Variants in PCDHGA7 observed in about 807,000 individuals in gnomAD.
PCDHGA7 encodes the protein protocadherin gamma-A7.
In PCDHGA7, 44 loss-of-function variants were observed where a neutral mutation model predicts 58.3. The ratio of observed to expected loss-of-function variants is 0.75; its 90% CI spans 0.59 to 0.97. The LOEUF (loss-of-function observed/expected upper bound fraction) is 0.97. Ranked by LOEUF, PCDHGA7 falls within the 50% of genes least tolerant of loss-of-function variation. PCDHGA7 has a pLI of 0.00. For synonymous variants in PCDHGA7, 516 were observed against 504.2 expected (o/e 1.02, Z -0.31); for missense variants, 1,266 against 1,188.7 (o/e 1.06, Z -0.96).
intron 1 of PCDHGA7, among the ~76,000 whole-genome samples, chr5:141,449,840 T>C (rs1367482819): frequency 6.6e-6 from 1 of 151,692 alleles, no homozygotes; most frequent in Non-Finnish European, 1.5e-5. Context: ...TTTTATATAA[T>C]TAAATTTTAA....
intron 1 of PCDHGA7, chr5:141,395,553 TG>T: frequency 1.2e-5 from 1 of 84,110 alleles, no homozygotes; most frequent in Non-Finnish European, 2.1e-5. Context: ...TGTGTGTGTG[TG>T]TGTGTGTGTG....
rs746242389 is a variant in PCDHGA7 at position 141,491,254 on chromosome 5, G to C, written c.2425-3553G>C. 3 of 1,614,080 alleles carry C rather than the reference G, an allele frequency of 1.9e-6. No individual in the cohort carries two copies. In the African/African-American group the frequency reaches 4.0e-5, roughly 22 times the overall value. On this transcript the variant is annotated intron_variant, in intron 1 of 3. Transcript: ENST00000518325. This position sits in a 1 kb window ranked among gnomAD's most constrained non-coding sequence, Gnocchi z 6.9. ...GCTGGTTCTGGAGGATGAGGACCCT[G>C]AGGAAATGCCCAAATCCAGTGACTT...
intron 1 of PCDHGA7, among the ~76,000 whole-genome samples, chr5:141,463,025 T>G (rs2099051289): frequency 6.6e-6 from 1 of 152,202 alleles, no homozygotes; most frequent in Non-Finnish European, 1.5e-5. Flanking sequence ...ACTTTTTTGA[T>G]TAATCTGAGT....
intron 1 of PCDHGA7, among the ~76,000 whole-genome samples, chr5:141,397,434 A>G (rs1343347268): frequency 1.3e-5 from 2 of 152,238 alleles, no homozygotes; most frequent in African/African-American, 4.8e-5. Context: ...TTTCCCTAAT[A>G]TGTGTAATAT....
At chr5:141,412,282 C>A (rs1017660848) in intron 1 of PCDHGA7, 1 of 152,186 alleles carries the variant, frequency 6.6e-6, no homozygotes, top group African/African-American at 2.4e-5. Flanking sequence ...ACTTCAAATT[C>A]TACGTATTTC....
chr5:141,500,835 A>G (rs965204931), intron 2 of PCDHGA7, among the ~76,000 whole-genome samples: 13 of 152,118 alleles, frequency 8.5e-5, no homozygotes, highest in African/African-American at 3.1e-4. Context: ...TCTAATGCTA[A>G]TGGGCTTTTG....
intron 1 of PCDHGA7, among the ~76,000 whole-genome samples, chr5:141,465,040 C>T (rs1396261200): frequency 6.6e-6 from 1 of 151,842 alleles, no homozygotes; most frequent in Non-Finnish European, 1.5e-5. Context: ...CCACAAATGA[C>T]CCTATATATT....
chr5:141,389,742 C>T (rs1477462199), intron 1 of PCDHGA7: 2 of 1,612,602 alleles, frequency 1.2e-6, no homozygotes, highest in Non-Finnish European at 1.7e-6. Context: ...CCTGGGGCTG[C>T]GCACGGGCGA....
At chr5:141,433,208 C>T (rs780155661) in intron 1 of PCDHGA7, 90 of 1,293,816 alleles carry the variant, frequency 7.0e-5, no homozygotes, top group Middle Eastern at 5.9e-4. Flanking sequence ...AATCTTCTTT[C>T]TTTTTTTTTT....
At chr5:141,441,886 A>C (rs2098281968) in intron 1 of PCDHGA7, 1 of 345,040 alleles carries the variant, frequency 2.9e-6, no homozygotes, top group Non-Finnish European at 5.6e-6. Flanking sequence ...CCTGGTCACC[A>C]AGGTGGTGGC....
rs1247067983 is a variant in PCDHGA7, at chr5:141,511,327, C to T, written c.*154C>T. ...CCCTTGGGAAACAGAAACAAGTGCC[C>T]AGTCAGCACCTACCCCTTCCCCCCC... On this transcript the variant is annotated 3_prime_UTR_variant, in exon 4 of 4. Transcript: ENST00000518325. 28 of 1,455,454 alleles carry T rather than the reference C, an allele frequency of 1.9e-5. No individual in the cohort carries two copies. Among genetic ancestry groups the T allele is most frequent in the Admixed American group, 2.4e-5 (1 of 41,734 alleles). 90.2% of individuals were successfully genotyped at this position (1,455,454 alleles called of 1,614,324 possible). A position where few individuals can be genotyped will look rare whatever the true frequency, so the allele number is the denominator to read the frequency against.
chr5:141,461,347 G>C (rs2154567331), intron 1 of PCDHGA7, among the ~76,000 whole-genome samples: 1 of 152,242 alleles, frequency 6.6e-6, no homozygotes, highest in Admixed American at 6.5e-5. Flanking sequence ...GGACCAAGGT[G>C]GTAGCTCGTT....
intron 1 of PCDHGA7, chr5:141,409,193 T>C (rs1268258873): frequency 2.5e-6 from 4 of 1,613,870 alleles, no homozygotes; most frequent in Admixed American, 1.7e-5. Flanking sequence ...CTCTACCCAG[T>C]GTAAAGTAAT....
chr5:141,467,672 AT>A (rs1199631144), intron 1 of PCDHGA7, among the ~76,000 whole-genome samples: 1 of 151,634 alleles, frequency 6.6e-6, no homozygotes, highest in Non-Finnish European at 1.5e-5. Context: ...GAAGATTTTT[AT>A]TTTTTTTAGA....
Position 141,432,153 on chromosome 5 carries a change from A to T in PCDHGA7, c.2424+46830A>T. 6.2e-7 allele frequency: 1 copy of T among 1,613,758 alleles called. No homozygotes were observed. The highest frequency in any genetic ancestry group is 8.5e-7 in the Non-Finnish European group (1 of 1,179,910). On this transcript the variant is annotated intron_variant, in intron 1 of 3. Transcript: ENST00000518325. This position sits in a 1 kb window ranked among gnomAD's most constrained non-coding sequence, Gnocchi z 6.0. ...TATTCCGCTTATATCCCAGAGAACA[A>T]TCCCAGAGGAGTTTCCCTCGTCTCT...
intron 3 of PCDHGA7, among the ~76,000 whole-genome samples, chr5:141,510,203 G>A (rs1164886289): frequency 6.6e-6 from 1 of 151,680 alleles, no homozygotes; most frequent in Non-Finnish European, 1.5e-5. Flanking sequence ...AGCCCAGGAG[G>A]CAGAGGTTGC....
intron 2 of PCDHGA7, among the ~76,000 whole-genome samples, chr5:141,500,469 A>G (rs917974103): frequency 1.3e-5 from 2 of 152,052 alleles, no homozygotes; most frequent in East Asian, 1.9e-4. Context: ...TCGGCCTCCC[A>G]AAGTGCTGGG....
In PCDHGA7 at chr5:141,433,172, G is replaced by C. The variant is rs147848043; in HGVS notation, c.2424+47849G>C. 533 of 1,610,720 alleles carry C rather than the reference G, an allele frequency of 3.3e-4. 5 individuals carry two copies. In the South Asian group the frequency reaches 5.0e-3, roughly 15 times the overall value. On this transcript the variant is annotated intron_variant, in intron 1 of 3. Transcript: ENST00000518325. ...TTCGGTATTTTCTAAAGACAGTCAT[G>C]GGTTAATTGAGGTGAGTTTATATCA...
At chr5:141,420,382 C>CA (rs1414569792) in intron 1 of PCDHGA7, 5 of 1,300,530 alleles carry the variant, frequency 3.8e-6, no homozygotes, top group Non-Finnish European at 5.1e-6. Flanking sequence ...ATAGAGTTCG[C>CA]AAAATATAGG....
Sources: gnomAD v4.1 joint callset for allele counts (sites outside exome capture counted in the v4.1 genomes callset) on GRCh38, gnomAD v4.1.1 for gene constraint, Gnocchi (gnomAD v3.1) non-coding constraint, MANE v1.5 for transcripts, NCBI Gene and HGNC (gene_info 2026-07-23, HGNC 2026-07-21) for gene names.